DCC: variants seen among roughly 807,000 people sequenced by gnomAD.
The protein encoded by DCC is netrin receptor DCC.
A neutral mutation model predicts 172.5 loss-of-function variants in DCC; 58 were observed. That is an observed-to-expected ratio of 0.34 (90% CI 0.27 to 0.42). The LOEUF is 0.42. Among genes scored for constraint, DCC ranks in the 10% least tolerant of loss-of-function variants. The pLI is 1.00. For missense variants in DCC, 1,740 were observed against 1,791.0 expected (o/e 0.97, Z 0.51); for synonymous variants, 709 against 644.5 (o/e 1.10, Z -1.52).
chr18:52,916,223 T>C (rs1450463186), intron 3 of DCC, among the ~76,000 whole-genome samples: 12 of 140,312 alleles, frequency 8.6e-5, no homozygotes, highest in African/African-American at 3.1e-4. Flanking sequence ...TTTTTTTTTT[T>C]CTTCATGAAA....
chr18:53,459,063 G>T (rs1260646255), intron 23 of DCC, among the ~76,000 whole-genome samples, 169 bp from the exon 24 acceptor site: 3 of 152,186 alleles, frequency 2.0e-5, no homozygotes, highest in Non-Finnish European at 4.4e-5. Flanking sequence ...GCTCCAGGGG[G>T]GAAGAGGAAA....
chr18:53,275,314 TC>T (rs1275595464), intron 12 of DCC, among the ~76,000 whole-genome samples: 2 of 152,104 alleles, frequency 1.3e-5, no homozygotes, highest in Non-Finnish European at 2.9e-5. Context: ...ACAAAAATTC[TC>T]TAAGAATTTT....
At chr18:52,895,712 T>C (rs2016155150) in intron 2 of DCC, among the ~76,000 whole-genome samples, 1 of 152,212 alleles carries the variant, frequency 6.6e-6, no homozygotes, top group Non-Finnish European at 1.5e-5. Context: ...TAAATAACAA[T>C]ATTGAATACA....
chr18:52,797,698 G>A (rs1282092858), intron 2 of DCC, among the ~76,000 whole-genome samples: 1 of 152,166 alleles, frequency 6.6e-6, no homozygotes, highest in East Asian at 1.9e-4. Flanking sequence ...CACCAGCAGT[G>A]GTAGGTAGGT....
At chr18:52,380,250 G>A (rs1181100920) in intron 1 of DCC, among the ~76,000 whole-genome samples, 2 of 150,942 alleles carry the variant, frequency 1.3e-5, no homozygotes, top group Admixed American at 6.6e-5. Context: ...TTAGAGGAGC[G>A]ACATTCAAAC....
intron 15 of DCC, among the ~76,000 whole-genome samples, chr18:53,364,806 G>T (rs1439252027): frequency 1.3e-5 from 2 of 152,036 alleles, no homozygotes; most frequent in East Asian, 3.9e-4. Context: ...CTTGGGGCTT[G>T]TAAAGGTGTC....
intron 5 of DCC, among the ~76,000 whole-genome samples, chr18:52,947,635 A>G (rs180958650): frequency 6.6e-6 from 1 of 152,302 alleles, no homozygotes; most frequent in African/African-American, 2.4e-5. Context: ...TAAATGTTTT[A>G]GCATTTTCCA....
Position 52,340,764 on chromosome 18 carries a change from G to A in DCC, c.-24G>A. ...AGTGCTGCCGCTGCCCGCGACCCCTGGCCCCGAAGGTGTTGGCTGAAATAT... is the reference window on the plus strand; with the variant it reads ...AGTGCTGCCGCTGCCCGCGACCCCTAGCCCCGAAGGTGTTGGCTGAAATAT... On this transcript the variant is annotated 5_prime_UTR_variant, in exon 1 of 29. It introduces an in-frame stop codon into an upstream open reading frame of the 5' UTR. Transcript: ENST00000442544. 1.3e-6 allele frequency: 2 copies of A among 1,597,368 alleles called. No individual in the cohort carries two copies. The highest frequency in any genetic ancestry group is 1.7e-6 in the Non-Finnish European group (2 of 1,165,034).
intron 8 of DCC, among the ~76,000 whole-genome samples, chr18:53,175,333 T>C (rs1332944290): frequency 2.0e-5 from 3 of 151,866 alleles, no homozygotes; most frequent in African/African-American, 4.8e-5. Context: ...CCAGGGCAAT[T>C]AGGCAGGAGA....
rs184903962 is a variant in DCC at position 52,577,212 on chromosome 18, C to A, written c.92-174842C>A. Among the ~76,000 whole-genome samples the A allele has an allele frequency of 7.2e-5, 11 of 152,312 alleles. No individual in the cohort carries two copies. The East Asian group carries it at 2.1e-3, about 29-fold the overall frequency. On this transcript the variant is annotated intron_variant, in intron 1 of 28. Transcript: ENST00000442544. The stretch of plus-strand genomic sequence containing the variant: ...ATGGCAGTTCCTATTTCTGCACATC[C>A]TTGCAGTCACCTGCATTGTCAGACA...
In DCC at chr18:53,023,401, C is replaced by CAAAAAAAAAAA. The variant is rs869070422; in HGVS notation, c.986-39886_986-39876dup. On this transcript the variant is annotated intron_variant, in intron 5 of 28. Coordinates refer to ENST00000442544, the MANE Select transcript of DCC (RefSeq NM_005215.4). ...GGACAAACACATATATAACTCAGAC[C>CAAAAAAAAAAA]AAAAAAAAAAAAAAAAAAAAAAAAA... 1.4e-3 allele frequency among the ~76,000 whole-genome samples: 33 copies of CAAAAAAAAAAA among 24,424 alleles called. 7 individuals carry two copies. Among genetic ancestry groups the CAAAAAAAAAAA allele is most frequent in the African/African-American group, 5.8e-3 (30 of 5,196 alleles). 16.0% of individuals were successfully genotyped at this position (24,424 alleles called of 152,430 possible). A position where few individuals can be genotyped will look rare whatever the true frequency, so the allele number is the denominator to read the frequency against.
chr18:53,526,506 G>A (rs995279695), intron 27 of DCC, 111 bp from the exon 28 acceptor site: 8 of 1,130,720 alleles, frequency 7.1e-6, no homozygotes, highest in Middle Eastern at 3.9e-4. Context: ...ACTACAGAAT[G>A]AGCAATAACC....
intron 1 of DCC, among the ~76,000 whole-genome samples, chr18:52,658,948 C>T (rs2035307335): frequency 6.6e-6 from 1 of 152,176 alleles, no homozygotes; most frequent in Non-Finnish European, 1.5e-5. Flanking sequence ...TAATTCATTA[C>T]TTGCCCTTCA....
At chr18:53,181,990 C>G (rs1304697470) in intron 9 of DCC, among the ~76,000 whole-genome samples, 1 of 152,212 alleles carries the variant, frequency 6.6e-6, no homozygotes, top group Non-Finnish European at 1.5e-5. Flanking sequence ...ACAGCCATGT[C>G]TATGCTTTAT....
chr18:53,042,455 C>G (rs1378389583), intron 5 of DCC, among the ~76,000 whole-genome samples: 3 of 151,796 alleles, frequency 2.0e-5, no homozygotes, highest in African/African-American at 7.3e-5. Context: ...GGCATATTGG[C>G]CTGAAATTTT....
chr18:53,498,991 G>A (rs1228052403), intron 26 of DCC, among the ~76,000 whole-genome samples: 3 of 151,842 alleles, frequency 2.0e-5, no homozygotes, highest in East Asian at 1.9e-4. Context: ...CTTTTTTCTC[G>A]CTTCATCACT....
At chr18:52,687,384 A>G (rs1201774373) in intron 1 of DCC, among the ~76,000 whole-genome samples, 1 of 150,456 alleles carries the variant, frequency 6.6e-6, no homozygotes, top group Non-Finnish European at 1.5e-5. Flanking sequence ...TCCCAGGTTC[A>G]AGCAATTCTC....
intron 2 of DCC, among the ~76,000 whole-genome samples, chr18:52,791,369 G>A (rs2037765641): frequency 6.6e-6 from 1 of 152,132 alleles, no homozygotes; most frequent in Non-Finnish European, 1.5e-5. Context: ...CATCTAGAAA[G>A]AGAAGTGAGA....
Position 53,402,833 on chromosome 18 carries a change from AAGCCTCGTGCCGTCATTGTGAGTTGGC to A in DCC, c.2882_2908del (p.Arg961_Pro969del). On this transcript the variant is annotated inframe_deletion, in exon 19 of 29. Coordinates refer to ENST00000442544, the MANE Select transcript of DCC (RefSeq NM_005215.4). ...CTTGACAGTCATTACTAGGGAAGGG[AAGCCTCGTGCCGTCATTGTGAGTTGGC>A]AGCCTCCCTTGGAAGCCAATGGGAA... is the stretch of plus-strand genomic sequence containing the variant. The A allele has an allele frequency of 6.2e-7, 1 of 1,614,082 alleles. No homozygotes were observed.
Sources: gnomAD v4.1 joint callset for allele counts (sites outside exome capture counted in the v4.1 genomes callset) on GRCh38, gnomAD v4.1.1 for gene constraint, MANE v1.5 for transcripts, NCBI Gene and HGNC (gene_info 2026-07-23, HGNC 2026-07-21) for gene names.